Variants in CPNE8 observed in about 807,000 individuals in gnomAD.
The protein encoded by CPNE8 is copine-8.
In CPNE8, 45 loss-of-function variants were observed where a neutral mutation model predicts 81.5. The observed-to-expected ratio is 0.55, with a 90% CI of 0.44 to 0.71. CPNE8 has a LOEUF of 0.71. CPNE8 is among the 30% of genes least tolerant of loss of function. CPNE8 has a pLI of 0.00. For missense variants in CPNE8, 594 were observed against 672.1 expected (o/e 0.88, Z 1.28); for synonymous variants, 252 against 226.3 (o/e 1.11, Z -1.02).
chr12:38,894,592 C>T (rs1197850506), intron 1 of CPNE8, among the ~76,000 whole-genome samples: 1 of 150,958 alleles, frequency 6.6e-6, no homozygotes, highest in African/African-American at 2.4e-5. Context: ...TTAGCAAATA[C>T]ATTTATTATT....
chr12:38,695,828 G>T (rs1592016335), intron 14 of CPNE8, among the ~76,000 whole-genome samples: 1 of 152,084 alleles, frequency 6.6e-6, no homozygotes, highest in East Asian at 1.9e-4. Context: ...AGTCTCAGCT[G>T]CTCAGGAAGC....
In CPNE8 at chr12:38,652,515, A is replaced by G. The variant is rs1182452228; in HGVS notation, c.*1367T>C. ...ACCCTAGGTCAACTTGGGACAAAGA[A>G]AACAATGTACAGTAGAAATAAACCA... On this transcript the variant is annotated 3_prime_UTR_variant, in exon 20 of 20. Transcript: ENST00000331366. 1 of 152,616 alleles carries G rather than the reference A, an allele frequency of 6.6e-6. No homozygotes were observed. Among genetic ancestry groups the G allele is most frequent in the African/African-American group, 2.4e-5 (1 of 41,460 alleles). 9.5% of individuals were successfully genotyped at this position (152,616 alleles called of 1,614,324 possible).
chr12:38,807,451 G>T (rs991092886), intron 6 of CPNE8, among the ~76,000 whole-genome samples: 1 of 151,832 alleles, frequency 6.6e-6, no homozygotes, highest in Non-Finnish European at 1.5e-5. Context: ...AACACTGCAT[G>T]TCTACAACTA....
intron 13 of CPNE8, among the ~76,000 whole-genome samples, chr12:38,719,674 A>G (rs942034554): frequency 2.0e-5 from 3 of 151,960 alleles, no homozygotes; most frequent in Non-Finnish European, 2.9e-5. Flanking sequence ...ATTTAAAGAT[A>G]CATAATACAA....
At chr12:38,750,337 G>A (rs1364247312) in intron 10 of CPNE8, among the ~76,000 whole-genome samples, 1 of 152,172 alleles carries the variant, frequency 6.6e-6, no homozygotes, top group Non-Finnish European at 1.5e-5. Context: ...GCACTACCTA[G>A]TGGAGCTGTG....
chr12:38,771,998 G>T (rs1224649678), intron 7 of CPNE8, among the ~76,000 whole-genome samples: 3 of 152,168 alleles, frequency 2.0e-5, no homozygotes, highest in African/African-American at 7.2e-5. Flanking sequence ...GAAGGTGTTT[G>T]GGTTATGGGT....
intron 7 of CPNE8, among the ~76,000 whole-genome samples, chr12:38,773,761 A>G (rs1163857610): frequency 6.6e-6 from 1 of 152,136 alleles, no homozygotes; most frequent in East Asian, 1.9e-4. Context: ...AAATTTAAAA[A>G]GCATTGATTC....
chr12:38,758,867 G>A (rs1490434450), intron 10 of CPNE8, among the ~76,000 whole-genome samples: 6 of 152,114 alleles, frequency 3.9e-5, no homozygotes, highest in Admixed American at 1.3e-4. Context: ...GACAATAGGA[G>A]AGTCACAGAA....
intron 4 of CPNE8, among the ~76,000 whole-genome samples, chr12:38,847,164 A>T (rs1325544261): frequency 6.6e-6 from 1 of 152,106 alleles, no homozygotes; most frequent in African/African-American, 2.4e-5. Flanking sequence ...ATATCACTTA[A>T]AGTTTGCAAT....
chr12:38,693,135 T>G (rs149617125), intron 15 of CPNE8, among the ~76,000 whole-genome samples: 2 of 152,284 alleles, frequency 1.3e-5, no homozygotes, highest in African/African-American at 4.8e-5. Context: ...GCAAAGAAGT[T>G]ATGTTAGGAG....
At chr12:38,729,833 T>C (rs1046170517) in intron 11 of CPNE8, among the ~76,000 whole-genome samples, 4 of 152,022 alleles carry the variant, frequency 2.6e-5, no homozygotes, top group African/African-American at 9.7e-5. Context: ...TGGATTTCTT[T>C]AATGGCTGCA....
chr12:38,686,676 C>T (rs1026279045), intron 15 of CPNE8, among the ~76,000 whole-genome samples: 1 of 152,176 alleles, frequency 6.6e-6, no homozygotes, highest in Admixed American at 6.5e-5. Flanking sequence ...ATTGAAGATG[C>T]CGACCTGGGC....
intron 10 of CPNE8, among the ~76,000 whole-genome samples, chr12:38,747,893 T>G (rs763023688): frequency 3.3e-5 from 5 of 152,186 alleles, no homozygotes; most frequent in Middle Eastern, 3.2e-3. Context: ...TAATTTACAT[T>G]TCTATTAGAC....
chr12:38,656,991 A>T (rs1235302439), intron 19 of CPNE8, among the ~76,000 whole-genome samples: 1 of 152,116 alleles, frequency 6.6e-6, no homozygotes. Context: ...CTGCATTTTC[A>T]ACTGAGGTAC....
chr12:38,791,891 C>G (rs1942331729), intron 6 of CPNE8, among the ~76,000 whole-genome samples: 1 of 151,070 alleles, frequency 6.6e-6, no homozygotes, highest in African/African-American at 2.4e-5. Flanking sequence ...GCATATTTTT[C>G]AATTACAATG....
intron 19 of CPNE8, among the ~76,000 whole-genome samples, chr12:38,657,540 C>T (rs969923798): frequency 6.6e-6 from 1 of 152,158 alleles, no homozygotes; most frequent in Non-Finnish European, 1.5e-5. Flanking sequence ...CCCAGCACGG[C>T]GTTTGAGCTC....
intron 15 of CPNE8, among the ~76,000 whole-genome samples, chr12:38,688,756 T>C (rs567639205): frequency 6.6e-6 from 1 of 151,972 alleles, no homozygotes; most frequent in Non-Finnish European, 1.5e-5. Flanking sequence ...TTCTCACTTA[T>C]AAGTGGGAGC....
intron 3 of CPNE8, among the ~76,000 whole-genome samples, chr12:38,868,666 T>C (rs1943949393): frequency 6.6e-6 from 1 of 152,146 alleles, no homozygotes; most frequent in Admixed American, 6.5e-5. Flanking sequence ...ATACTTTAAG[T>C]GTTACAAAGG....
At chr12:38,704,842 A>ATATATATATGTG (rs1565575616) in intron 13 of CPNE8, among the ~76,000 whole-genome samples, 2 of 132,694 alleles carry the variant, frequency 1.5e-5, no homozygotes, top group Admixed American at 7.6e-5. Context: ...ATATATATAT[A>ATATATATATGTG]TATATATATA....
Sources: allele counts gnomAD v4.1 joint callset (sites outside exome capture counted in the v4.1 genomes callset), GRCh38; gene constraint gnomAD v4.1.1; transcripts MANE v1.5; gene names NCBI Gene and HGNC (gene_info 2026-07-23, HGNC 2026-07-21).